BTG4: variants seen among roughly 807,000 people sequenced by gnomAD.
BTG4 encodes BTG anti-proliferation factor 4.
In BTG4, 10 loss-of-function variants were observed where a neutral mutation model predicts 19.3. That is an observed-to-expected ratio of 0.52 (90% CI 0.32 to 0.88). The LOEUF (loss-of-function observed/expected upper bound fraction) is 0.88. Ranked by LOEUF, BTG4 falls within the 40% of genes least tolerant of loss-of-function variation. The pLI, the probability that BTG4 is intolerant of heterozygous loss-of-function variation, is 0.04. For synonymous variants in BTG4, 91 were observed against 95.7 expected, an observed-to-expected ratio of 0.95 and a Z score of 0.29; for missense variants, 238 against 281.9, an observed-to-expected ratio of 0.84 and a Z score of 1.11.
downstream of BTG4, among the ~76,000 whole-genome samples, chr11:111,491,734 CAAA>C (rs5794751): frequency 6.0e-5 from 6 of 99,954 alleles, no homozygotes; most frequent in Admixed American, 1.0e-4. Context: ...GACCTGATCT[CAAA>C]AAAAAAAAAA....
the BTG4 span, among the ~76,000 whole-genome samples, chr11:111,405,857 A>G: frequency 6.6e-6 from 1 of 152,346 alleles, no homozygotes; most frequent in Non-Finnish European, 1.5e-5. Context: ...TACTTATCCT[A>G]TAAGATTGTT....
chr11:111,451,401 C>T, the BTG4 span: 3 of 453,888 alleles, frequency 6.6e-6, no homozygotes, highest in East Asian at 1.4e-4. Context: ...CAACCGACAT[C>T]GGAAGATGGT....
chr11:111,478,536 G>A (rs1315174868), intron 5 of BTG4, among the ~76,000 whole-genome samples: 1 of 152,018 alleles, frequency 6.6e-6, no homozygotes, highest in Admixed American at 6.6e-5. Context: ...ACACCAAGAT[G>A]ACAAAGATGT....
At chr11:111,395,175 T>G in the BTG4 span, among the ~76,000 whole-genome samples, 1 of 152,226 alleles carries the variant, frequency 6.6e-6, no homozygotes, top group Non-Finnish European at 1.5e-5. Context: ...CAACAGCTCC[T>G]CCATCCTGAA....
chr11:111,444,142 C>T, the BTG4 span, among the ~76,000 whole-genome samples: 1 of 151,946 alleles, frequency 6.6e-6, no homozygotes, highest in Non-Finnish European at 1.5e-5. Context: ...GACAATGTTC[C>T]ATGAACTGAG....
At chr11:111,456,558 C>T in the BTG4 span, 1 of 456,440 alleles carries the variant, frequency 2.2e-6, no homozygotes, top group East Asian at 7.0e-5. The surrounding 1 kb of genome is among the most constrained non-coding windows in gnomAD (Gnocchi z 4.2). Context: ...GTGTGAACCC[C>T]GTCACCAAGT....
the BTG4 span, among the ~76,000 whole-genome samples, chr11:111,447,204 G>A: frequency 5.3e-4 from 80 of 152,324 alleles, 1 homozygote; most frequent in African/African-American, 1.8e-3. Flanking sequence ...TGCTTTATCC[G>A]ATACATCATG....
the BTG4 span, among the ~76,000 whole-genome samples, chr11:111,388,721 T>G: frequency 6.6e-6 from 1 of 152,300 alleles, no homozygotes; most frequent in East Asian, 1.9e-4. Flanking sequence ...GCCTCACTTC[T>G]TCTCTGTGCA....
chr11:111,461,333 C>T, the BTG4 span, among the ~76,000 whole-genome samples: 5 of 152,310 alleles, frequency 3.3e-5, no homozygotes, highest in Non-Finnish European at 7.3e-5. Context: ...CCTGCCGCCA[C>T]GTGCCTGTCT....
chr11:111,490,397 C>G (rs1044940330), downstream of BTG4, among the ~76,000 whole-genome samples: 1 of 152,072 alleles, frequency 6.6e-6, no homozygotes, highest in Non-Finnish European at 1.5e-5. Flanking sequence ...ACATGTGCCT[C>G]TATCAAAACA....
At chr11:111,412,892 T>C in the BTG4 span, among the ~76,000 whole-genome samples, 1 of 152,224 alleles carries the variant, frequency 6.6e-6, no homozygotes, top group Non-Finnish European at 1.5e-5. Flanking sequence ...GTAAGCTTCC[T>C]GGAAGCCCAG....
chr11:111,449,178 C>G, the BTG4 span, among the ~76,000 whole-genome samples: 1 of 152,152 alleles, frequency 6.6e-6, no homozygotes, highest in East Asian at 1.9e-4. Context: ...GACTCCTCCC[C>G]TGCCCTGTTT....
At chr11:111,505,637 A>C (rs958076478) in intron 1 of BTG4, among the ~76,000 whole-genome samples, 8 of 151,982 alleles carry the variant, frequency 5.3e-5, no homozygotes, top group Non-Finnish European at 1.0e-4. Flanking sequence ...GAAATAGGAC[A>C]TAAACTAAAA....
intron 5 of BTG4, among the ~76,000 whole-genome samples, chr11:111,486,087 G>A (rs1226108965): frequency 6.6e-6 from 1 of 152,114 alleles, no homozygotes; most frequent in African/African-American, 2.4e-5. Flanking sequence ...GAGATAGAAA[G>A]CTTTTTACTA....
At chr11:111,466,801 C>G (rs1565437875), downstream of BTG4, 1 of 152,664 alleles carries the variant, frequency 6.6e-6, no homozygotes, top group Non-Finnish European at 1.5e-5. Flanking sequence ...GAGTTGATAA[C>G]TGTGCAACCC....
At chr11:111,452,563 T>A in the BTG4 span, 2 of 152,378 alleles carry the variant, frequency 1.3e-5, no homozygotes, top group South Asian at 4.1e-4. Flanking sequence ...ATTGTGCTGC[T>A]CCTGGGGCTT....
chr11:111,406,783 G>T, the BTG4 span, among the ~76,000 whole-genome samples: 11 of 152,186 alleles, frequency 7.2e-5, no homozygotes, highest in African/African-American at 2.4e-4. Context: ...ACAAATATCT[G>T]CAGACCTGAA....
At chr11:111,443,738 G>T in the BTG4 span, among the ~76,000 whole-genome samples, 1 of 152,176 alleles carries the variant, frequency 6.6e-6, no homozygotes, top group Non-Finnish European at 1.5e-5. Flanking sequence ...GCAGTTTGGG[G>T]ATACAGTGAA....
At chr11:111,479,096 A>C (rs1193966508) in intron 5 of BTG4, among the ~76,000 whole-genome samples, 1 of 152,142 alleles carries the variant, frequency 6.6e-6, no homozygotes, top group Non-Finnish European at 1.5e-5. Context: ...AAAAGCAAAG[A>C]AAAAATCTTG....
Sources: allele counts gnomAD v4.1 joint callset (sites outside exome capture counted in the v4.1 genomes callset), GRCh38; gene constraint gnomAD v4.1.1; non-coding constraint Gnocchi (gnomAD v3.1); transcripts MANE v1.5; gene names NCBI Gene and HGNC (gene_info 2026-07-23, HGNC 2026-07-21).